NTM: variants seen among roughly 807,000 people sequenced by gnomAD.
The protein encoded by NTM is IgLON family member 2.
NTM carries 13 observed loss-of-function variants against 42.1 expected under a neutral mutation model. That is an observed-to-expected ratio of 0.31 (90% confidence interval 0.20 to 0.49). The LOEUF is 0.49. Among genes scored for constraint, NTM ranks in the 20% least tolerant of loss-of-function variants. NTM has a pLI of 0.99. For missense variants in NTM, 373 were observed against 452.8 expected, an observed-to-expected ratio of 0.82 and a Z score of 1.60; for synonymous variants, 187 against 179.2, an observed-to-expected ratio of 1.04 and a Z score of -0.35.
chr11:131,911,573 T>G lies in NTM; in HGVS notation c.92T>G (p.Val31Gly), dbSNP rs2055013902. The change falls in exon 2 of 9, where the codon GTG becomes GGG. Residue 31 changes from valine to glycine, a missense_variant. Coordinates refer to ENST00000683400, the MANE Select transcript of NTM (RefSeq NM_001352005.2). ...AALCLFQGVPVRSGDATFPKA... is the reference protein window; with the variant it reads ...AALCLFQGVPGRSGDATFPKA... ...TTCCTTGTACCCACAGGAGTGCCCG[T>G]GCGCAGCGGAGATGCCACCTTCCCC... 1 of 1,614,074 alleles carries G rather than the reference T, an allele frequency of 6.2e-7. No homozygotes were observed.
intron 1 of NTM, among the ~76,000 whole-genome samples, chr11:131,484,026 T>A (rs777188376): frequency 5.3e-5 from 8 of 152,204 alleles, no homozygotes; most frequent in Non-Finnish European, 8.8e-5. Context: ...CGCCCTAATT[T>A]TCTTTGTCGG....
intron 4 of NTM, among the ~76,000 whole-genome samples, chr11:132,255,438 C>A (rs974903368): frequency 6.6e-6 from 1 of 152,170 alleles, no homozygotes; most frequent in African/African-American, 2.4e-5. Context: ...TCAGAAAGGT[C>A]AAGGTGTCAC....
intron 2 of NTM, among the ~76,000 whole-genome samples, chr11:132,129,066 C>G (rs781706237): frequency 3.3e-4 from 49 of 150,398 alleles, no homozygotes; most frequent in South Asian, 3.2e-3. Context: ...GTGAACAATT[C>G]TCTTTAGAAA....
rs1034219747 is a variant in NTM, at chr11:132,333,443, C to T, written c.968-1603C>T. ...AGAGTGAGCATCTACAAAGGGGGAA[C>T]GTCTGGTGATGGTTTCTGTGGACAC... On this transcript the variant is annotated intron_variant, in intron 8 of 8. Transcript: ENST00000683400. 1.2e-4 allele frequency among the ~76,000 whole-genome samples: 19 copies of T among 152,260 alleles called. 1 individual carries two copies. The highest frequency in any genetic ancestry group is 4.1e-4 in the South Asian group (2 of 4,826).
intron 1 of NTM, among the ~76,000 whole-genome samples, chr11:131,615,573 T>C (rs1420868547): frequency 6.6e-6 from 1 of 152,168 alleles, no homozygotes; most frequent in African/African-American, 2.4e-5. Context: ...TTTGATCTTG[T>C]TGGCCAGGCT....
rs376930803 is a variant in NTM at position 131,911,534 on chromosome 11, C to G, written c.83-30C>G. The G allele has an allele frequency of 1.3e-4, 215 of 1,614,198 alleles. 1 individual carries two copies. Among genetic ancestry groups the G allele is most frequent in the Middle Eastern group, 8.2e-4 (5 of 6,062 alleles). ...CCCTGGAAGTGCCTCGTGGTCGTGTCTCTCAGGCTGCTGTTCCTTGTACCC... is the reference window on the plus strand; with the variant it reads ...CCCTGGAAGTGCCTCGTGGTCGTGTGTCTCAGGCTGCTGTTCCTTGTACCC... On this transcript the variant is annotated intron_variant, in intron 1 of 8. Coordinates refer to ENST00000683400, the MANE Select transcript of NTM (RefSeq NM_001352005.2).
At chr11:132,246,140 G>C (rs1264935032) in intron 4 of NTM, among the ~76,000 whole-genome samples, 1 of 152,202 alleles carries the variant, frequency 6.6e-6, no homozygotes, top group East Asian at 1.9e-4. Context: ...CCCTGCAGGA[G>C]AATCCCAGGA....
intron 1 of NTM, among the ~76,000 whole-genome samples, chr11:131,851,538 T>C (rs550841872): frequency 1.9e-4 from 28 of 146,902 alleles, no homozygotes; most frequent in Non-Finnish European, 2.6e-4. Context: ...ATGGCGTGTG[T>C]GTGTGTGTGT....
intron 1 of NTM, among the ~76,000 whole-genome samples, chr11:131,673,548 G>A (rs1592480668): frequency 6.6e-6 from 1 of 152,180 alleles, no homozygotes; most frequent in East Asian, 1.9e-4. Context: ...GACAAAGCTT[G>A]CATTTAAATA....
chr11:132,099,468 C>T (rs2061388092), intron 2 of NTM, among the ~76,000 whole-genome samples: 1 of 152,036 alleles, frequency 6.6e-6, no homozygotes, highest in Non-Finnish European at 1.5e-5. Flanking sequence ...TTTCATGACC[C>T]ACTACAGATT....
intron 4 of NTM, among the ~76,000 whole-genome samples, chr11:132,244,863 G>T (rs2090839248): frequency 1.3e-5 from 2 of 152,210 alleles, no homozygotes; most frequent in Admixed American, 1.3e-4. Flanking sequence ...GCTAGCTGAA[G>T]TGCCTTCTAT....
At chr11:131,401,818 A>ATATATATATATATGTGTG (rs1565465282) in intron 1 of NTM, among the ~76,000 whole-genome samples, 1 of 43,004 alleles carries the variant, frequency 2.3e-5, no homozygotes, top group African/African-American at 1.2e-4. Flanking sequence ...ATATATATAT[A>ATATATATATATATGTGTG]TATATATATA....
At chr11:132,210,141 C>T (rs1359555094) in intron 3 of NTM, among the ~76,000 whole-genome samples, 1 of 152,196 alleles carries the variant, frequency 6.6e-6, no homozygotes, top group Non-Finnish European at 1.5e-5. Flanking sequence ...GGCTCTCCGG[C>T]AGGCCCGATC....
chr11:132,281,467 C>G (rs2093968593), intron 4 of NTM, among the ~76,000 whole-genome samples: 1 of 152,198 alleles, frequency 6.6e-6, no homozygotes, highest in South Asian at 2.1e-4. Context: ...AATTCAGATG[C>G]AAATACACAG....
chr11:131,550,155 A>T (rs770604033), intron 1 of NTM, among the ~76,000 whole-genome samples: 1 of 152,264 alleles, frequency 6.6e-6, no homozygotes, highest in Non-Finnish European at 1.5e-5. Flanking sequence ...TTAAATGTTT[A>T]CTATGTGCCA....
chr11:131,883,091 C>T (rs1592534249), intron 1 of NTM, among the ~76,000 whole-genome samples: 1 of 152,210 alleles, frequency 6.6e-6, no homozygotes, highest in East Asian at 1.9e-4. Flanking sequence ...GCTCCGTAGC[C>T]TCACACCCAG....
chr11:131,776,760 C>T (rs1039016868), intron 1 of NTM, among the ~76,000 whole-genome samples: 14 of 152,026 alleles, frequency 9.2e-5, no homozygotes, highest in African/African-American at 2.4e-4. Context: ...GATAGATTTC[C>T]GCCACATGGT....
chr11:132,183,788 G>A (rs1363559375), intron 3 of NTM, among the ~76,000 whole-genome samples: 1 of 151,814 alleles, frequency 6.6e-6, no homozygotes, highest in African/African-American at 2.4e-5. Context: ...ACAAATTTAG[G>A]CCATCACTAG....
intron 2 of NTM, among the ~76,000 whole-genome samples, chr11:131,938,863 G>C (rs1290311514): frequency 6.6e-6 from 1 of 152,214 alleles, no homozygotes; most frequent in Admixed American, 6.5e-5. Context: ...GCTGACTCAA[G>C]CACCTGTTGG....
Sources: allele counts gnomAD v4.1 joint callset (sites outside exome capture counted in the v4.1 genomes callset), GRCh38; gene constraint gnomAD v4.1.1; transcripts MANE v1.5; gene names NCBI Gene and HGNC (gene_info 2026-07-23, HGNC 2026-07-21).